MTTP: variants seen among roughly 807,000 people sequenced by gnomAD.
The protein encoded by MTTP is microsomal triglyceride transfer protein.
A neutral mutation model predicts 90.6 loss-of-function variants in MTTP; 49 were observed. That is an observed-to-expected ratio of 0.54 (90% CI 0.43 to 0.69). The LOEUF (loss-of-function observed/expected upper bound fraction) is 0.69. Among genes scored for constraint, MTTP ranks in the 30% least tolerant of loss-of-function variants. The pLI is 0.00. For synonymous variants in MTTP, 347 were observed against 384.2 expected (o/e 0.90, Z 1.13); for missense variants, 945 against 1,067.5 (o/e 0.89, Z 1.60).
In MTTP at chr4:99,565,241, A is replaced by G. The variant is rs143282641; in HGVS notation, c.-102+1004A>G. Among the ~76,000 whole-genome samples the G allele has an allele frequency of 2.2e-3, 334 of 152,312 alleles. 1 individual carries two copies. The highest frequency in any genetic ancestry group is 7.6e-3 in the African/African-American group (314 of 41,564). On this transcript the variant is annotated intron_variant, in intron 1 of 18. Transcript: ENST00000457717. Reference sequence around the variant, plus strand: ...TATGGGATCTGTTTTATAAATAATTATACAGTTTTTTCAGAGTTAATACCT... The same window carrying G: ...TATGGGATCTGTTTTATAAATAATTGTACAGTTTTTTCAGAGTTAATACCT...
At chr4:99,620,777 C>A (rs1232226229) in intron 16 of MTTP, 2 of 401,712 alleles carry the variant, frequency 5.0e-6, no homozygotes, top group Non-Finnish European at 9.1e-6. Context: ...CTTTGTTATG[C>A]CCATACAAAA....
chr4:99,592,962 A>G (rs1578242172), intron 6 of MTTP, among the ~76,000 whole-genome samples: 1 of 152,182 alleles, frequency 6.6e-6, no homozygotes, highest in Non-Finnish European at 1.5e-5. Flanking sequence ...CAGCATCGAC[A>G]AAAACACGTG....
intron 10 of MTTP, 41 bp downstream of exon 10, chr4:99,601,755 C>A (rs749186219): frequency 1.4e-6 from 2 of 1,422,998 alleles, no homozygotes; most frequent in Non-Finnish European, 2.0e-6. Context: ...TCATTCTACA[C>A]CATTGTCCAT....
intron 11 of MTTP, among the ~76,000 whole-genome samples, chr4:99,607,419 T>C (rs569288293): frequency 6.6e-6 from 1 of 152,334 alleles, no homozygotes; most frequent in African/African-American, 2.4e-5. Context: ...GCTAAGCACC[T>C]TCCCACCAGT....
Position 99,608,877 on chromosome 4 carries a change from G to T in MTTP, c.1669G>T (p.Val557Phe). The T allele has an allele frequency of 2.5e-6, 4 of 1,614,126 alleles. No homozygotes were observed. The highest frequency in any genetic ancestry group is 2.5e-6 in the Non-Finnish European group (3 of 1,179,992). Residue 557 changes from valine to phenylalanine, a missense_variant, in exon 12 of 18, where the codon GTC becomes TTC. Coordinates refer to ENST00000265517, the MANE Select transcript of MTTP (RefSeq NM_001386140.1). ...ILNNNPSYMD[V>F]KNILLSIGEL... is the part of the protein sequence containing the mutation. ...AAATAACAATCCATCCTACATGGAC[G>T]TCAAGAACATCCTGCTGTCTATTGG...
chr4:99,591,192 C>T (rs751230742), intron 4 of MTTP, 43 bp from the exon 5 acceptor site: 1 of 1,410,870 alleles, frequency 7.1e-7, no homozygotes, highest in African/African-American at 1.4e-5. Context: ...TTCAAATGGC[C>T]CACAAGGAAT....
intron 2 of MTTP, 89 bp from the exon 3 acceptor site, chr4:99,583,283 TTC>T: frequency 4.9e-6 from 7 of 1,434,668 alleles, no homozygotes; most frequent in South Asian, 1.2e-5. Context: ...GGCCAACTCT[TTC>T]TGTTTCTTTA....
chr4:99,615,847 GCT>G (rs1286791186), intron 15 of MTTP, among the ~76,000 whole-genome samples: 2 of 152,198 alleles, frequency 1.3e-5, no homozygotes, highest in African/African-American at 4.8e-5. Flanking sequence ...CAGCATCTGA[GCT>G]ATAAGAAACA....
At chr4:99,609,401 A>C (rs1350229279) in intron 12 of MTTP, among the ~76,000 whole-genome samples, 1 of 152,192 alleles carries the variant, frequency 6.6e-6, no homozygotes, top group East Asian at 1.9e-4. Flanking sequence ...TTTAAGTTTA[A>C]AATCTTAGGC....
In MTTP at chr4:99,597,120, C is replaced by T. The variant is rs778425661; in HGVS notation, c.963C>T (p.Ser321=). 17 of 1,613,860 alleles carry T rather than the reference C, an allele frequency of 1.1e-5. No homozygotes were observed. The highest frequency in any genetic ancestry group is 1.3e-5 in the African/African-American group (1 of 74,900). The change falls in exon 8 of 18, where the codon TCC becomes TCT. Residue 321 remains serine, a synonymous_variant. Coordinates refer to ENST00000265517, the MANE Select transcript of MTTP (RefSeq NM_001386140.1). ...TRKYLQPDNL[S]KAEAVRNFLA... is the part of the protein sequence containing the mutation. Reference sequence around the variant, plus strand: ...AATACCTGCAGCCTGACAACCTTTCCAAGGCTGAGGCTGTCAGAAACTTCC... The same window carrying T: ...AATACCTGCAGCCTGACAACCTTTCTAAGGCTGAGGCTGTCAGAAACTTCC...
At chr4:99,586,317 G>A (rs1321280315) in intron 3 of MTTP, among the ~76,000 whole-genome samples, 2 of 152,068 alleles carry the variant, frequency 1.3e-5, no homozygotes, top group East Asian at 1.9e-4. Flanking sequence ...TAATGCTGAC[G>A]AGTGAAAGAT....
chr4:99,574,574 GA>G, upstream of MTTP: 2 of 431,340 alleles, frequency 4.6e-6, no homozygotes, highest in Non-Finnish European at 8.6e-6. Flanking sequence ...TTTTTTCTTT[GA>G]ATGCCCCTCA....
At chr4:99,608,377 G>A (rs534152194) in intron 11 of MTTP, among the ~76,000 whole-genome samples, 5 of 152,246 alleles carry the variant, frequency 3.3e-5, no homozygotes, top group South Asian at 4.1e-4. Flanking sequence ...CCTGGGAAGC[G>A]GAGGTTGCAG....
chr4:99,591,487 C>T, intron 5 of MTTP, 136 bp downstream of exon 5: 1 of 1,076,334 alleles, frequency 9.3e-7, no homozygotes, highest in South Asian at 1.4e-5. Context: ...CAAATTCACA[C>T]ATATGTAATG....
intron 10 of MTTP, among the ~76,000 whole-genome samples, chr4:99,603,757 A>T (rs1317866629): frequency 6.6e-6 from 1 of 152,148 alleles, no homozygotes; most frequent in Non-Finnish European, 1.5e-5. Flanking sequence ...TCCAACAGGC[A>T]GGTGTCCACA....
Position 99,590,295 on chromosome 4 carries a change from G to A in MTTP, c.501+545G>A, listed in dbSNP as rs1725383758. On this transcript the variant is annotated intron_variant, in intron 4 of 17. Coordinates refer to ENST00000265517, the MANE Select transcript of MTTP (RefSeq NM_001386140.1). ...AGTAGAGACAGGGTTTCACCATGTT[G>A]GCCAGGCTGGTCTTGAACTCCTGAC... 2.6e-5 allele frequency among the ~76,000 whole-genome samples: 4 copies of A among 152,072 alleles called. 1 individual carries two copies. In the South Asian group the frequency reaches 8.3e-4, roughly 32 times the overall value.
intron 17 of MTTP, among the ~76,000 whole-genome samples, chr4:99,621,727 G>A (rs1383230323): frequency 2.0e-5 from 3 of 152,184 alleles, no homozygotes; most frequent in African/African-American, 7.2e-5. Context: ...CAGAGTTTGG[G>A]ATTCTGAATT....
chr4:99,604,155 G>A (rs1725760469), intron 10 of MTTP, among the ~76,000 whole-genome samples: 1 of 152,040 alleles, frequency 6.6e-6, no homozygotes. Context: ...ATGAAAGAAA[G>A]GAAAGAAAAT....
intron 15 of MTTP, among the ~76,000 whole-genome samples, chr4:99,617,266 A>G (rs1491237): frequency 0.1 from 15,877 of 152,204 alleles, 996 homozygotes; most frequent in Middle Eastern, 0.2. Context: ...GTATCCTTAG[A>G]GCTATCTCCT....
Sources: allele counts gnomAD v4.1 joint callset (sites outside exome capture counted in the v4.1 genomes callset), GRCh38; gene constraint gnomAD v4.1.1; transcripts MANE v1.5; gene names NCBI Gene and HGNC (gene_info 2026-07-23, HGNC 2026-07-21).